The following GPR176 variants were observed in gnomAD, a reference collection of about 807,000 sequenced individuals.
GPR176 encodes the protein G-protein coupled receptor 176.
In GPR176, 26 loss-of-function variants were observed where a neutral mutation model predicts 35.4. That is an observed-to-expected ratio of 0.74 (90% CI 0.54 to 1.02). The LOEUF is 1.02. Among genes scored for constraint, GPR176 ranks in the 50% least tolerant of loss-of-function variants. GPR176 has a pLI of 0.00. For synonymous variants in GPR176, 278 were observed against 271.3 expected (o/e 1.02, Z -0.24); for missense variants, 597 against 665.3 (o/e 0.90, Z 1.13).
At chr15:39,829,097 A>C in intron 1 of GPR176, 1 of 1,217,976 alleles carries the variant, frequency 8.2e-7, no homozygotes, top group Non-Finnish European at 1.2e-6. Context: ...TTCTAGAAAT[A>C]AGAAGCAGTG....
intron 1 of GPR176, among the ~76,000 whole-genome samples, chr15:39,832,695 T>TA (rs1320770995): frequency 1.1e-5 from 1 of 87,128 alleles, no homozygotes; most frequent in Non-Finnish European, 3.0e-5. Context: ...ACACAAATCT[T>TA]ATAATGTCTT....
chr15:39,809,620 G>A (rs985733782), intron 1 of GPR176, among the ~76,000 whole-genome samples: 1 of 152,074 alleles, frequency 6.6e-6, no homozygotes, highest in African/African-American at 2.4e-5. Context: ...TCTAAGCTCT[G>A]GAACCATTCC....
At chr15:39,876,516 TATA>T in intron 1 of GPR176, among the ~76,000 whole-genome samples, 1 of 152,212 alleles carries the variant, frequency 6.6e-6, no homozygotes, top group Non-Finnish European at 1.5e-5. Context: ...CAGTGAGGGA[TATA>T]ATGTTAATGA....
chr15:39,802,448 T>C (rs1263138797), intron 2 of GPR176, among the ~76,000 whole-genome samples, 194 bp from the exon 3 acceptor site: 1 of 152,212 alleles, frequency 6.6e-6, no homozygotes, highest in Non-Finnish European at 1.5e-5. Flanking sequence ...GAAGCGTCAC[T>C]AGACCAAAAA....
chr15:39,895,289 A>AAGAGAG (rs1566966000), intron 1 of GPR176, among the ~76,000 whole-genome samples: 1 of 87,292 alleles, frequency 1.1e-5, no homozygotes, highest in Admixed American at 1.2e-4. Context: ...TGGGGAGAGG[A>AAGAGAG]AGAGGGGGAG....
intron 1 of GPR176, among the ~76,000 whole-genome samples, chr15:39,883,326 ACT>A (rs1426449935): frequency 2.0e-5 from 3 of 152,222 alleles, no homozygotes; most frequent in Non-Finnish European, 4.4e-5. Context: ...TCAGAATTAT[ACT>A]ATCTTTCACT....
At chr15:39,848,618 C>G (rs967134868) in intron 1 of GPR176, among the ~76,000 whole-genome samples, 1 of 152,044 alleles carries the variant, frequency 6.6e-6, no homozygotes, top group Non-Finnish European at 1.5e-5. Flanking sequence ...AGTGTGTTCT[C>G]CAACCACAAT....
chr15:39,848,973 A>G (rs556262680), intron 1 of GPR176, among the ~76,000 whole-genome samples: 19 of 151,690 alleles, frequency 1.3e-4, no homozygotes, highest in African/African-American at 3.6e-4. Context: ...AATAATAAAG[A>G]GTAGAAATCA....
rs275741 is a variant in GPR176 at position 39,866,849 on chromosome 15, T to C, written c.172+53006A>G. Among the ~76,000 whole-genome samples, 616 of 152,164 alleles carry C rather than the reference T, an allele frequency of 4.0e-3. 7 individuals carry two copies. Among genetic ancestry groups the C allele is most frequent in the African/African-American group, 0.014 (579 of 41,516 alleles). On this transcript the variant is annotated intron_variant, in intron 1 of 2. Transcript: ENST00000561100. ...AAATCACTGAAACATATGAGGAAGG[T>C]GGACTGTCCAAAAGTCAGATTGGAA...
At chr15:39,900,178 G>T (rs1485981489) in intron 1 of GPR176, among the ~76,000 whole-genome samples, 6 of 149,056 alleles carry the variant, frequency 4.0e-5, no homozygotes, top group Non-Finnish European at 8.9e-5. Context: ...AAATGATGAA[G>T]ATAAAGTGCT....
rs1355541331 is a variant in GPR176 at position 39,830,280 on chromosome 15, A to T, written c.173-23022T>A. Among the ~76,000 whole-genome samples the T allele has an allele frequency of 7.2e-5, 11 of 152,354 alleles. No homozygotes were observed. In the South Asian group the frequency reaches 1.4e-3, roughly 20 times the overall value. On this transcript the variant is annotated intron_variant, in intron 1 of 2. Transcript: ENST00000561100. Reference sequence around the variant, plus strand: ...TTATTAGACTGCAAGGCTCTGAGCTAAGTACCAGGTTTACAAAAATAAACA... The same window carrying T: ...TTATTAGACTGCAAGGCTCTGAGCTTAGTACCAGGTTTACAAAAATAAACA...
intron 1 of GPR176, among the ~76,000 whole-genome samples, chr15:39,829,760 T>G (rs275752): frequency 0.94 from 143,295 of 152,162 alleles, 67,797 homozygotes; most frequent in Non-Finnish European, 0.99. Context: ...GCTGGGAAAT[T>G]GGAGGAAGCC....
chr15:39,918,517 C>A lies in GPR176; in HGVS notation c.172+1338G>T, dbSNP rs1264780068. Among the ~76,000 whole-genome samples the A allele has an allele frequency of 2.6e-5, 4 of 152,162 alleles. No individual in the cohort carries two copies. In the South Asian group the frequency reaches 8.3e-4, roughly 31 times the overall value. On this transcript the variant is annotated intron_variant, in intron 1 of 2. Transcript: ENST00000561100. ...AAATACAGTCACTTCTACTACCTCT[C>A]CAATAACCCACACTTTAAGTGTGAC...
At chr15:39,817,085 C>CAAAAAAAAAAAAAAAAAAAA (rs1390516035) in intron 1 of GPR176, among the ~76,000 whole-genome samples, 1 of 60,504 alleles carries the variant, frequency 1.7e-5, no homozygotes, top group Non-Finnish European at 3.5e-5. Context: ...AAAAAAAAAG[C>CAAAAAAAAAAAAAAAAAAAA]TTTGAAAAAC....
rs1396158593 is a variant in GPR176 at position 39,801,348 on chromosome 15, T to A, written c.1332A>T (p.Thr444=). The change falls in exon 3 of 3, where the codon ACA becomes ACT. Residue 444 remains threonine (T), a synonymous_variant. Coordinates refer to ENST00000561100, the MANE Select transcript of GPR176 (RefSeq NM_007223.3). ...VAPAAPVEPE[T]FPDKYSLQFG... Reference sequence around the variant, plus strand: ...ACTGCAGGGAATACTTATCAGGGAATGTTTCAGGTTCCACAGGGGCTGCCG... The same window carrying A: ...ACTGCAGGGAATACTTATCAGGGAAAGTTTCAGGTTCCACAGGGGCTGCCG... 2.5e-6 allele frequency: 4 copies of A among 1,614,104 alleles called. No homozygotes were observed. The Admixed American group carries it at 5.0e-5, about 20-fold the overall frequency.
intron 1 of GPR176, among the ~76,000 whole-genome samples, chr15:39,852,062 T>C (rs2030912989): frequency 6.6e-6 from 1 of 152,168 alleles, no homozygotes; most frequent in Non-Finnish European, 1.5e-5. Context: ...GGAAAGGTCC[T>C]ACATATCCCT....
chr15:39,811,932 AT>A (rs1415874964), intron 1 of GPR176, among the ~76,000 whole-genome samples: 3 of 152,068 alleles, frequency 2.0e-5, no homozygotes, highest in East Asian at 1.9e-4. Context: ...AAAAAAAAAA[AT>A]CAGATTTTGG....
chr15:39,827,144 T>TA (rs1900715057), intron 1 of GPR176, among the ~76,000 whole-genome samples: 1 of 152,170 alleles, frequency 6.6e-6, no homozygotes, highest in Admixed American at 6.5e-5. Flanking sequence ...TGCTCAAATA[T>TA]ACATATTCAA....
At chr15:39,876,581 G>A (rs1192051762) in intron 1 of GPR176, among the ~76,000 whole-genome samples, 1 of 152,030 alleles carries the variant, frequency 6.6e-6, no homozygotes, top group Non-Finnish European at 1.5e-5. Flanking sequence ...CTATTATTAT[G>A]GAATGGCCTA....
Sources: allele counts gnomAD v4.1 joint callset (sites outside exome capture counted in the v4.1 genomes callset), GRCh38; gene constraint gnomAD v4.1.1; transcripts MANE v1.5; gene names NCBI Gene and HGNC (gene_info 2026-07-23, HGNC 2026-07-21).